The following CATSPERT variants were observed in gnomAD, a reference collection of about 807,000 sequenced individuals.
The protein encoded by CATSPERT is catsper channel auxiliary subunit tau.
chr2:201,500,805 T>C, the CATSPERT span, among the ~76,000 whole-genome samples: 2 of 152,188 alleles, frequency 1.3e-5, no homozygotes, highest in African/African-American at 4.8e-5. Flanking sequence ...CATGATTAAC[T>C]CATGTTAAAT....
the CATSPERT span, chr2:201,574,343 G>T: frequency 3.0e-6 from 4 of 1,345,100 alleles, no homozygotes; most frequent in Non-Finnish European, 4.1e-6. Flanking sequence ...GACAAAAAGT[G>T]ATATTTTTAC....
the CATSPERT span, among the ~76,000 whole-genome samples, chr2:201,575,512 C>T: frequency 2.0e-5 from 3 of 152,100 alleles, no homozygotes; most frequent in Non-Finnish European, 4.4e-5. Context: ...TATTTACAGC[C>T]ACTTCTCATC....
the CATSPERT span, among the ~76,000 whole-genome samples, chr2:201,519,491 T>A: frequency 6.6e-6 from 1 of 151,930 alleles, no homozygotes; most frequent in South Asian, 2.1e-4. Context: ...AACACGATAA[T>A]TATCTAGTAA....
the CATSPERT span, among the ~76,000 whole-genome samples, chr2:201,509,422 A>G: frequency 6.6e-6 from 1 of 150,858 alleles, no homozygotes; most frequent in Non-Finnish European, 1.5e-5. Context: ...CTACCATTCC[A>G]TGGATTACCT....
chr2:201,565,062 T>A, the CATSPERT span, among the ~76,000 whole-genome samples: 1 of 148,602 alleles, frequency 6.7e-6, no homozygotes, highest in East Asian at 2.0e-4. Context: ...CAGAAGAAAA[T>A]ACCCAGACTG....
At chr2:201,554,875 TA>T in the CATSPERT span, 10 of 152,204 alleles carry the variant, frequency 6.6e-5, no homozygotes, top group Non-Finnish European at 1.5e-4. Flanking sequence ...CTCGTATCAT[TA>T]ATTTTTATCC....
At chr2:201,505,496 T>A in the CATSPERT span, among the ~76,000 whole-genome samples, 8 of 152,218 alleles carry the variant, frequency 5.3e-5, no homozygotes, top group Non-Finnish European at 7.3e-5. Context: ...TCACCACTGA[T>A]GTATTTTTTC....
the CATSPERT span, among the ~76,000 whole-genome samples, chr2:201,559,370 G>C: frequency 1.7e-3 from 260 of 152,272 alleles, 1 homozygote; most frequent in African/African-American, 5.8e-3. Context: ...GCCCCCAGCA[G>C]ACACATCACC....
At chr2:201,491,797 T>G in the CATSPERT span, 1 of 1,537,058 alleles carries the variant, frequency 6.5e-7, no homozygotes, top group Non-Finnish European at 8.7e-7. Context: ...ACACCAAGCT[T>G]TTGATTGAGT....
the CATSPERT span, among the ~76,000 whole-genome samples, chr2:201,585,674 A>G: frequency 6.6e-6 from 1 of 152,198 alleles, no homozygotes; most frequent in Non-Finnish European, 1.5e-5. Context: ...TGATAAATGG[A>G]ATTAAAGTTT....
At chr2:201,574,991 C>T in the CATSPERT span, among the ~76,000 whole-genome samples, 1 of 148,554 alleles carries the variant, frequency 6.7e-6, no homozygotes, top group Admixed American at 6.8e-5. Context: ...AGGCATTCTA[C>T]TCTCTTACCC....
At chr2:201,558,474 G>A in the CATSPERT span, among the ~76,000 whole-genome samples, 1 of 152,244 alleles carries the variant, frequency 6.6e-6, no homozygotes, top group Non-Finnish European at 1.5e-5. Flanking sequence ...CAGGAGGGCA[G>A]TGTGAAGGCA....
chr2:201,505,543 C>T, the CATSPERT span, among the ~76,000 whole-genome samples: 1 of 152,136 alleles, frequency 6.6e-6, no homozygotes, highest in East Asian at 1.9e-4. Context: ...ATGGAAAAAA[C>T]ATCAGACAAA....
the CATSPERT span, among the ~76,000 whole-genome samples, chr2:201,544,111 C>T: frequency 6.6e-6 from 1 of 152,018 alleles, no homozygotes; most frequent in Non-Finnish European, 1.5e-5. Context: ...ATGCGGTGTT[C>T]GTTTTTTTGT....
At chr2:201,533,564 T>C in the CATSPERT span, among the ~76,000 whole-genome samples, 1 of 152,196 alleles carries the variant, frequency 6.6e-6, no homozygotes, top group African/African-American at 2.4e-5. Context: ...AAAGGAGCCA[T>C]ACCTAAAAAG....
the CATSPERT span, among the ~76,000 whole-genome samples, chr2:201,596,367 C>A: frequency 6.6e-6 from 1 of 152,038 alleles, no homozygotes; most frequent in African/African-American, 2.4e-5. Flanking sequence ...TAGGTGGGAG[C>A]TAAATGATTA....
the CATSPERT span, among the ~76,000 whole-genome samples, chr2:201,540,742 C>A: frequency 1.3e-5 from 2 of 152,244 alleles, no homozygotes; most frequent in Non-Finnish European, 2.9e-5. Flanking sequence ...AAACATAGAT[C>A]CATTCTGCAG....
At chr2:201,493,801 C>G in the CATSPERT span, 1 of 1,536,320 alleles carries the variant, frequency 6.5e-7, no homozygotes, top group Admixed American at 2.0e-5. Flanking sequence ...AGGTACTTCG[C>G]TTATTAAATG....
chr2:201,610,422 C>T, the CATSPERT span, among the ~76,000 whole-genome samples: 11 of 150,532 alleles, frequency 7.3e-5, no homozygotes, highest in African/African-American at 2.7e-4. Flanking sequence ...CATGCCACTG[C>T]ACTCCAGCCT....
Sources: gnomAD v4.1 joint callset for allele counts (sites outside exome capture counted in the v4.1 genomes callset) on GRCh38, gnomAD v4.1.1 for gene constraint, MANE v1.5 for transcripts, NCBI Gene and HGNC (gene_info 2026-07-23, HGNC 2026-07-21) for gene names.